The following ATP5F1A variants were observed in gnomAD, a reference collection of about 807,000 sequenced individuals.
ATP5F1A encodes ATP synthase F1 subunit alpha.
A neutral mutation model predicts 57.4 loss-of-function variants in ATP5F1A; 24 were observed. The observed-to-expected ratio is 0.42, with a 90% confidence interval of 0.30 to 0.59. The LOEUF is 0.59. Among genes scored for constraint, ATP5F1A ranks in the 20% least tolerant of loss-of-function variants. The pLI is 0.19. For missense variants in ATP5F1A, 494 were observed against 707.9 expected (o/e 0.70, Z 3.43); for synonymous variants, 251 against 255.5 (o/e 0.98, Z 0.17).
intron 1 of ATP5F1A, among the ~76,000 whole-genome samples, chr18:46,097,672 T>C (rs1394609916): frequency 6.6e-6 from 1 of 151,570 alleles, no homozygotes; most frequent in Non-Finnish European, 1.5e-5. Context: ...ACCACCTTCA[T>C]TTATTCCTTT....
rs1241211540 is a variant in ATP5F1A at position 46,088,155 on chromosome 18, T to C, written c.753A>G (p.Gln251=). ...CCAACTGGGCAACAGTGGATCTCTT[T>C]TGACCAATAGCAACATAAATACAGT... The part of the protein sequence containing the change: ...KLYCIYVAIG[Q]KRSTVAQLVK... Residue 251 remains glutamine (Q), a synonymous_variant, in exon 6 of 12, where the codon CAA becomes CAG. Coordinates refer to ENST00000398752, the MANE Select transcript of ATP5F1A (RefSeq NM_004046.6). The C allele has an allele frequency of 2.5e-6, 4 of 1,603,966 alleles. No homozygotes were observed. The highest frequency in any genetic ancestry group is 2.5e-6 in the Non-Finnish European group (3 of 1,178,148).
intron 3 of ATP5F1A, among the ~76,000 whole-genome samples, chr18:46,091,447 A>G (rs1455504963): frequency 6.6e-6 from 1 of 152,200 alleles, no homozygotes; most frequent in Non-Finnish European, 1.5e-5. Context: ...ATTCAATTTT[A>G]TATTTTGGAG....
intron 3 of ATP5F1A, 33 bp downstream of exon 3, chr18:46,091,649 C>T (rs767050706): frequency 6.5e-7 from 1 of 1,536,008 alleles, no homozygotes; most frequent in East Asian, 2.3e-5. Context: ...AGACTTAGAT[C>T]CTAAAACACC....
At chr18:46,086,619 A>G (rs1270645953) in intron 8 of ATP5F1A, 125 bp from the exon 9 acceptor site, 2 of 849,030 alleles carry the variant, frequency 2.4e-6, no homozygotes, top group African/African-American at 3.4e-5. Flanking sequence ...CAGTACCCCA[A>G]ATCTTTCACG....
rs372392795 is a variant in ATP5F1A, at chr18:46,095,070, G to C, written c.122C>G (p.Thr41Ser). The change falls in exon 2 of 12, where the codon ACT (threonine) becomes AGT (serine). Residue 41 changes from threonine to serine, a missense_variant. Thr to Ser is a moderately conservative substitution (Grantham distance 58). This residue lies in a region of ATP5F1A where 142 missense variants were observed against 137.5 expected (regional missense o/e 1.03). Transcript: ENST00000398752. ...TAACTTACCAGTCTTTTGAAGATGAGTGTTAGAGGCATGGAAGTTCCTTGC... is the reference window on the plus strand; with the variant it reads ...TAACTTACCAGTCTTTTGAAGATGACTGTTAGAGGCATGGAAGTTCCTTGC... ...IAARNFHASN[T>S]HLQKTGTAEM... 24 of 1,613,352 alleles carry C rather than the reference G, an allele frequency of 1.5e-5. No individual in the cohort carries two copies. The highest frequency in any genetic ancestry group is 2.0e-5 in the Non-Finnish European group (24 of 1,179,676).
rs752177466 is a variant in ATP5F1A, at chr18:46,086,513, C to T, written c.1177-19G>A. The T allele has an allele frequency of 1.3e-5, 21 of 1,599,110 alleles. No homozygotes were observed. The highest frequency in any genetic ancestry group is 6.8e-5 in the Admixed American group (4 of 58,504). On this transcript the variant is annotated intron_variant, in intron 8 of 11. Coordinates refer to ENST00000398752, the MANE Select transcript of ATP5F1A (RefSeq NM_004046.6). ...AGAAGATCTATAATGTAAGGAAATA[C>T]GCACGCTAGCAAGCTTAAAGTAAGA... is the stretch of plus-strand genomic sequence containing the variant.
upstream of ATP5F1A, among the ~76,000 whole-genome samples, chr18:46,103,234 G>A (rs570814258): frequency 5.3e-5 from 8 of 150,874 alleles, no homozygotes; most frequent in African/African-American, 1.5e-4. Context: ...GCCTGGGGAC[G>A]GGGGTTGGAG....
Position 46,082,235 on chromosome 18 carries a change from A to G in ATP5F1A, c.*2047T>C, listed in dbSNP as rs1909795622. 6.6e-6 allele frequency: 1 copy of G among 151,058 alleles called. No individual in the cohort carries two copies. 9.4% of individuals were successfully genotyped at this position (151,058 alleles called of 1,614,324 possible). On this transcript the variant is annotated 3_prime_UTR_variant, in exon 12 of 12. Transcript: ENST00000398752. Reference sequence around the variant, plus strand: ...CGTCTCTACTAAAAATACAAAAAAAAAAAAATTAGCTGGGCGTGATGGCAG... The same window carrying G: ...CGTCTCTACTAAAAATACAAAAAAAGAAAAATTAGCTGGGCGTGATGGCAG...
At chr18:46,088,068 G>T in intron 6 of ATP5F1A, 41 bp downstream of exon 6, 1 of 1,577,438 alleles carries the variant, frequency 6.3e-7, no homozygotes, top group South Asian at 1.2e-5. Flanking sequence ...GCAGCAATGG[G>T]ACTTAAGATA....
chr18:46,085,006 T>C (rs61261514), intron 10 of ATP5F1A: 10,656 of 167,358 alleles, frequency 0.064, 431 homozygotes, highest in African/African-American at 0.12. Flanking sequence ...AAATTACATA[T>C]TCATATAGCC....
At chr18:46,102,307 G>A (rs72903445), upstream of ATP5F1A, among the ~76,000 whole-genome samples, 11,166 of 152,150 alleles carry the variant, frequency 0.073, 521 homozygotes, top group African/African-American at 0.13. Context: ...TTACAGAGCA[G>A]AGATATATTT....
chr18:46,090,042 T>A, intron 3 of ATP5F1A, 46 bp from the exon 4 acceptor site: 1 of 1,029,034 alleles, frequency 9.7e-7, no homozygotes, highest in Non-Finnish European at 1.3e-6. Context: ...GAATGGGCAC[T>A]CCTCCCCATA....
At position 46,081,673 on chromosome 18, in the gene ATP5F1A, C is replaced by CAAAAAAAAAAAAAAAAAAAAAAAAAAA. The variant is rs1159742250; in HGVS notation, c.*2608_*2609insTTTTTTTTTTTTTTTTTTTTTTTTTTT. 2.7e-5 allele frequency: 2 copies of CAAAAAAAAAAAAAAAAAAAAAAAAAAA among 75,454 alleles called. No individual in the cohort carries two copies. Among genetic ancestry groups the CAAAAAAAAAAAAAAAAAAAAAAAAAAA allele is most frequent in the African/African-American group, 4.6e-5 (1 of 21,646 alleles). The allele number at this position is 75,454 out of a possible 1,614,324, so 4.7% of individuals were successfully genotyped here. On this transcript the variant is annotated 3_prime_UTR_variant, in exon 12 of 12. Transcript: ENST00000398752. ...GAGCAAAACTCTCAAAAAAAAAAAACAAAAAAAAAAAAAAAAAAAAAAAAC... is the reference window on the plus strand; with the variant it reads ...GAGCAAAACTCTCAAAAAAAAAAAACAAAAAAAAAAAAAAAAAAAAAAAAAAAAAAAAAAAAAAAAAAAAAAAAAAAC...
intron 1 of ATP5F1A, chr18:46,097,919 A>C (rs1911083665): frequency 8.0e-7 from 1 of 1,246,776 alleles, no homozygotes; most frequent in Admixed American, 4.1e-5. Flanking sequence ...TGTCAGCCGA[A>C]GACAGGAATC....
At chr18:46,094,164 TACAC>T (rs71938962) in intron 2 of ATP5F1A, among the ~76,000 whole-genome samples, 171 of 149,042 alleles carry the variant, frequency 1.1e-3, no homozygotes, top group African/African-American at 1.0e-3. Context: ...TGTGTACACA[TACAC>T]ACACACACAC....
At chr18:46,093,932 C>A (rs1910747143) in intron 2 of ATP5F1A, among the ~76,000 whole-genome samples, 1 of 151,996 alleles carries the variant, frequency 6.6e-6, no homozygotes, top group African/African-American at 2.4e-5. Context: ...CATGGTGAAA[C>A]CTTGTCTCTA....
In ATP5F1A at chr18:46,085,365, T is replaced by C. The variant is rs969772908; in HGVS notation, c.1430-711A>G. 18 of 145,594 alleles carry C rather than the reference T, an allele frequency of 1.2e-4. No homozygotes were observed. In the East Asian group the frequency reaches 3.6e-3, roughly 29 times the overall value. 9.0% of individuals were successfully genotyped at this position (145,594 alleles called of 1,614,324 possible). ...AAAGATAGTTTGAGGCCGGGCATGG[T>C]GGCTCACGCCTATAATGCCAGCACT... On this transcript the variant is annotated intron_variant, in intron 10 of 11. Transcript: ENST00000398752.
At chr18:46,087,676 T>TC in intron 6 of ATP5F1A, 184 bp from the exon 7 acceptor site, 1 of 638,058 alleles carries the variant, frequency 1.6e-6, no homozygotes, top group Non-Finnish European at 2.7e-6. Flanking sequence ...GGTCAGGAGT[T>TC]CGAGACCAGC....
intron 1 of ATP5F1A, chr18:46,097,892 C>A (rs1911079644): frequency 8.2e-7 from 1 of 1,223,248 alleles, no homozygotes; most frequent in Admixed American, 4.2e-5. Context: ...CACCCAAGAT[C>A]CCCCTTCTAG....
Sources: gnomAD v4.1 joint callset for allele counts (sites outside exome capture counted in the v4.1 genomes callset) on GRCh38, gnomAD v4.1.1 for gene constraint, gnomAD v4.1.1 regional missense constraint, MANE v1.5 for transcripts, NCBI Gene and HGNC (gene_info 2026-07-23, HGNC 2026-07-21) for gene names.